The following ALK variants were observed in gnomAD, a reference collection of about 807,000 sequenced individuals.
ALK encodes ALK tyrosine kinase receptor.
A neutral mutation model predicts 163.1 loss-of-function variants in ALK; 74 were observed. That is an observed-to-expected ratio of 0.45 (90% CI 0.38 to 0.55). The LOEUF (loss-of-function observed/expected upper bound fraction) is 0.55, where lower values mean the gene tolerates loss of function less well. Ranked by LOEUF, ALK falls within the 20% of genes least tolerant of loss-of-function variation. The probability of loss-of-function intolerance (pLI) is 0.00; values close to 1 mark genes in which losing one functional copy is unlikely to be tolerated. For missense variants in ALK, 2,063 were observed against 2,105.3 expected (o/e 0.98, Z 0.39); for synonymous variants, 960 against 843.2 (o/e 1.14, Z -2.40).
chr2:29,448,585 G>C (rs1670745473), intron 4 of ALK, among the ~76,000 whole-genome samples: 1 of 152,166 alleles, frequency 6.6e-6, no homozygotes. Flanking sequence ...CATCTATAGA[G>C]CACAGTGAAT....
At chr2:29,609,273 T>C (rs1012658152) in intron 3 of ALK, among the ~76,000 whole-genome samples, 8 of 152,120 alleles carry the variant, frequency 5.3e-5, no homozygotes, top group African/African-American at 1.7e-4. Context: ...TAGTTGTTTT[T>C]TTGTGTGTGG....
At chr2:29,197,409 C>T (rs987192889) in intron 27 of ALK, 133 bp downstream of exon 27, 49 of 1,350,086 alleles carry the variant, frequency 3.6e-5, no homozygotes, top group East Asian at 9.5e-5. Context: ...CAGTCACATT[C>T]GCATCTTGGG....
At chr2:29,591,069 T>A (rs1314474419) in intron 3 of ALK, among the ~76,000 whole-genome samples, 1 of 39,966 alleles carries the variant, frequency 2.5e-5, no homozygotes, top group African/African-American at 1.7e-4. Flanking sequence ...AGACTCCGTC[T>A]CAAAAAAAAA....
At chr2:29,676,666 C>T (rs181320096) in intron 3 of ALK, among the ~76,000 whole-genome samples, 17 of 151,844 alleles carry the variant, frequency 1.1e-4, no homozygotes, top group Admixed American at 5.9e-4. Flanking sequence ...TTTTAAGTTA[C>T]GAAATAAAAA....
intron 4 of ALK, among the ~76,000 whole-genome samples, chr2:29,482,070 G>A (rs1671674018): frequency 6.6e-6 from 1 of 152,176 alleles, no homozygotes; most frequent in African/African-American, 2.4e-5. Flanking sequence ...TGGGAAAAGT[G>A]CAAACCTGTA....
At chr2:29,886,651 G>A (rs907921068) in intron 1 of ALK, among the ~76,000 whole-genome samples, 16 of 152,180 alleles carry the variant, frequency 1.1e-4, no homozygotes, top group African/African-American at 2.4e-5. Flanking sequence ...CAAAACCCGG[G>A]TGAAAGAGAC....
At chr2:29,787,248 A>C (rs1173715243) in intron 1 of ALK, among the ~76,000 whole-genome samples, 2 of 152,214 alleles carry the variant, frequency 1.3e-5, no homozygotes, top group Admixed American at 6.5e-5. Context: ...TAATCTATCT[A>C]GTGATTGTTC....
chr2:29,330,060 C>T (rs1667393926), intron 5 of ALK, among the ~76,000 whole-genome samples: 1 of 152,172 alleles, frequency 6.6e-6, no homozygotes, highest in African/African-American at 2.4e-5. Flanking sequence ...TGTCAGATGA[C>T]AGCACACGGC....
At chr2:29,741,999 C>A (rs1230891865) in intron 1 of ALK, among the ~76,000 whole-genome samples, 1 of 152,252 alleles carries the variant, frequency 6.6e-6, no homozygotes, top group Non-Finnish European at 1.5e-5. Flanking sequence ...AACTCTGCCT[C>A]CCACATCAGT....
At chr2:29,571,814 C>T (rs539572559) in intron 3 of ALK, among the ~76,000 whole-genome samples, 9 of 152,024 alleles carry the variant, frequency 5.9e-5, no homozygotes, top group Admixed American at 3.9e-4. Flanking sequence ...ACGGGTTTCA[C>T]CATATTGGCC....
intron 4 of ALK, among the ~76,000 whole-genome samples, chr2:29,401,376 T>C (rs1209088200): frequency 6.6e-6 from 1 of 152,200 alleles, no homozygotes; most frequent in East Asian, 1.9e-4. Flanking sequence ...AGAGCTCAGC[T>C]GAAAGATCTC....
chr2:29,438,687 T>C (rs1051293235), intron 4 of ALK, among the ~76,000 whole-genome samples: 8 of 152,160 alleles, frequency 5.3e-5, no homozygotes, highest in Non-Finnish European at 1.0e-4. Context: ...TTCAGGAATA[T>C]GTAGGTGGAG....
chr2:29,239,598 G>A, intron 13 of ALK, 82 bp downstream of exon 13: 1 of 1,517,076 alleles, frequency 6.6e-7, no homozygotes, highest in Non-Finnish European at 9.1e-7. Context: ...CCAGGAGGAG[G>A]GTGTTGAGTG....
chr2:29,911,785 T>A (rs776054472), intron 1 of ALK, among the ~76,000 whole-genome samples: 6 of 152,142 alleles, frequency 3.9e-5, no homozygotes, highest in Non-Finnish European at 5.9e-5. Flanking sequence ...AAATGACTAA[T>A]TCTTAAGAGG....
At chr2:29,677,652 T>C (rs995627324) in intron 3 of ALK, among the ~76,000 whole-genome samples, 19 of 152,074 alleles carry the variant, frequency 1.2e-4, no homozygotes, top group Admixed American at 6.6e-5. Context: ...TAGTGTATCA[T>C]CCTTTTCATC....
At chr2:29,400,975 C>CA (rs144493937) in intron 4 of ALK, among the ~76,000 whole-genome samples, 11,443 of 133,496 alleles carry the variant, frequency 0.086, 439 homozygotes, top group Non-Finnish European at 0.1. Flanking sequence ...GACTCTGTCT[C>CA]AAAAAAAAAA....
intron 3 of ALK, among the ~76,000 whole-genome samples, chr2:29,650,071 C>G (rs1004693466): frequency 6.6e-6 from 1 of 152,092 alleles, no homozygotes; most frequent in Non-Finnish European, 1.5e-5. Flanking sequence ...GTTTCAGACC[C>G]CTGACTCTAA....
At chr2:29,891,647 C>A (rs1205164261) in intron 1 of ALK, among the ~76,000 whole-genome samples, 1 of 152,108 alleles carries the variant, frequency 6.6e-6, no homozygotes, top group Non-Finnish European at 1.5e-5. Context: ...TAAGAAAATG[C>A]TGAATTCTGA....
chr2:29,669,993 T>A (rs1677633036), intron 3 of ALK, among the ~76,000 whole-genome samples: 1 of 152,130 alleles, frequency 6.6e-6, no homozygotes, highest in South Asian at 2.1e-4. Context: ...CTGTAGCTAT[T>A]ATTGTTTTTG....
Sources: gnomAD v4.1 joint callset for allele counts (sites outside exome capture counted in the v4.1 genomes callset) on GRCh38, gnomAD v4.1.1 for gene constraint, MANE v1.5 for transcripts, NCBI Gene and HGNC (gene_info 2026-07-23, HGNC 2026-07-21) for gene names.